RANBP2: variants seen among roughly 807,000 people sequenced by gnomAD.
The protein encoded by RANBP2 is RAN binding protein 2.
A neutral mutation model predicts 303.6 loss-of-function variants in RANBP2; 57 were observed. That is an observed-to-expected ratio of 0.19 (90% CI 0.15 to 0.23). RANBP2 has a LOEUF of 0.23. Among genes scored for constraint, RANBP2 ranks in the 10% least tolerant of loss-of-function variants. The pLI is 1.00. For synonymous variants in RANBP2, 1,167 were observed against 1,301.5 expected (o/e 0.90, Z 2.23); for missense variants, 3,138 against 3,780.8 (o/e 0.83, Z 4.46).
the RANBP2 span, among the ~76,000 whole-genome samples, chr2:109,589,136 GTTTTGTT>G: frequency 6.6e-6 from 1 of 151,990 alleles, no homozygotes; most frequent in Non-Finnish European, 1.5e-5. Flanking sequence ...TTGTTGGTTT[GTTTTGTT>G]TTTTGTTTTT....
intron 1 of RANBP2, among the ~76,000 whole-genome samples, chr2:108,725,252 G>A (rs826534): frequency 0.37 from 55,733 of 152,068 alleles, 13,764 homozygotes; most frequent in African/African-American, 0.71. Flanking sequence ...TCCTAGCTGT[G>A]TATCTTTAAA....
At chr2:108,852,384 A>G in the RANBP2 span, among the ~76,000 whole-genome samples, 72 of 152,274 alleles carry the variant, frequency 4.7e-4, 1 homozygote, top group African/African-American at 1.7e-3. Flanking sequence ...ATTCAACCCA[A>G]CAATCCCATT....
the RANBP2 span, among the ~76,000 whole-genome samples, chr2:109,682,849 A>G: frequency 6.6e-6 from 1 of 152,156 alleles, no homozygotes; most frequent in Admixed American, 6.5e-5. Context: ...ACAAGCCTGG[A>G]CATTTTGTCA....
the RANBP2 span, among the ~76,000 whole-genome samples, chr2:109,574,189 A>G: frequency 6.6e-6 from 1 of 152,106 alleles, no homozygotes; most frequent in African/African-American, 2.4e-5. Flanking sequence ...CTGTAGTTCT[A>G]GCACTTCAAG....
At chr2:109,386,115 G>A in the RANBP2 span, among the ~76,000 whole-genome samples, 7 of 152,192 alleles carry the variant, frequency 4.6e-5, no homozygotes, top group Non-Finnish European at 7.3e-5. Flanking sequence ...GCTAAGGAAC[G>A]TGCATAGACC....
the RANBP2 span, among the ~76,000 whole-genome samples, chr2:109,006,782 C>T: frequency 5.9e-5 from 9 of 152,218 alleles, no homozygotes; most frequent in Non-Finnish European, 1.3e-4. Flanking sequence ...CACTGCCCGT[C>T]CTCCAAGCAT....
chr2:109,177,207 C>T, the RANBP2 span, among the ~76,000 whole-genome samples: 4 of 152,286 alleles, frequency 2.6e-5, no homozygotes, highest in South Asian at 8.3e-4. Flanking sequence ...TTTTCAGATG[C>T]AAAACCAGGG....
intron 25 of RANBP2, among the ~76,000 whole-genome samples, chr2:108,779,901 G>T (rs1156267983): frequency 6.6e-6 from 1 of 152,152 alleles, no homozygotes; most frequent in Non-Finnish European, 1.5e-5. Context: ...TCTTCAGGAA[G>T]AAGTAGAGAT....
chr2:108,739,172 G>A (rs566507566), intron 6 of RANBP2, among the ~76,000 whole-genome samples: 2 of 152,068 alleles, frequency 1.3e-5, no homozygotes, highest in Non-Finnish European at 2.9e-5. Context: ...GGAGGCCGAG[G>A]CGGGTGGATC....
the RANBP2 span, among the ~76,000 whole-genome samples, chr2:108,811,245 C>CTTTTTTTTTTTTTTTTTTTT: frequency 1.5e-4 from 16 of 109,610 alleles, no homozygotes; most frequent in African/African-American, 5.4e-4. Context: ...CTTTCTCTCT[C>CTTTTTTTTTTTTTTTTTTTT]TCTTTTTTTT....
At chr2:109,152,119 C>T in the RANBP2 span, among the ~76,000 whole-genome samples, 1 of 152,218 alleles carries the variant, frequency 6.6e-6, no homozygotes, top group African/African-American at 2.4e-5. Flanking sequence ...CTCCTAGCCT[C>T]TTTTTGGAGA....
chr2:109,510,466 G>T, the RANBP2 span, among the ~76,000 whole-genome samples: 24 of 152,294 alleles, frequency 1.6e-4, no homozygotes, highest in Non-Finnish European at 3.2e-4. Flanking sequence ...CGATGTGGAG[G>T]CCGAGGGGAA....
chr2:108,912,724 G>A, the RANBP2 span: 11 of 1,602,830 alleles, frequency 6.9e-6, no homozygotes, highest in Middle Eastern at 1.7e-4. Context: ...TGCCCGAGGT[G>A]CCAGGGAAGT....
chr2:109,048,113 G>T, the RANBP2 span, among the ~76,000 whole-genome samples: 9 of 152,324 alleles, frequency 5.9e-5, no homozygotes, highest in Admixed American at 2.6e-4. Context: ...CGGATAATTT[G>T]CATGGAGAAA....
chr2:109,567,093 T>C, the RANBP2 span, among the ~76,000 whole-genome samples: 1 of 152,020 alleles, frequency 6.6e-6, no homozygotes, highest in South Asian at 2.1e-4. Flanking sequence ...ATAGAAGAAA[T>C]GGAATGAACA....
the RANBP2 span, chr2:109,545,915 C>T: frequency 6.9e-7 from 1 of 1,441,730 alleles, no homozygotes; most frequent in South Asian, 1.5e-5. Context: ...GGTCTCTCCT[C>T]TCCAGGAGCT....
the RANBP2 span, chr2:108,929,327 G>T: frequency 1.2e-6 from 2 of 1,614,096 alleles, no homozygotes; most frequent in Admixed American, 3.3e-5. Flanking sequence ...AAACTTCTCC[G>T]CCGGGCAGGG....
At chr2:109,794,590 CGG>C in the RANBP2 span, 4 of 896,810 alleles carry the variant, frequency 4.5e-6, no homozygotes, top group Admixed American at 1.4e-4. Context: ...CGGGGGGCGG[CGG>C]CGGCGGCGGC....
the RANBP2 span, among the ~76,000 whole-genome samples, chr2:109,263,498 A>G: frequency 2.6e-5 from 4 of 152,182 alleles, no homozygotes. Context: ...TCCTCTGTGG[A>G]TTAGGGGGCT....
Sources: gnomAD v4.1 joint callset for allele counts (sites outside exome capture counted in the v4.1 genomes callset) on GRCh38, gnomAD v4.1.1 for gene constraint, MANE v1.5 for transcripts, NCBI Gene and HGNC (gene_info 2026-07-23, HGNC 2026-07-21) for gene names.